Variants in SGMS1 observed in about 807,000 individuals in gnomAD.
SGMS1 encodes the protein phosphatidylcholine:ceramide cholinephosphotransferase 1.
A neutral mutation model predicts 46.2 loss-of-function variants in SGMS1; 13 were observed. The observed-to-expected ratio is 0.28, with a 90% CI of 0.18 to 0.45. The LOEUF (loss-of-function observed/expected upper bound fraction) is 0.45. Ranked by LOEUF, SGMS1 falls within the 20% of genes least tolerant of loss-of-function variation. The pLI, the probability that SGMS1 is intolerant of heterozygous loss-of-function variation, is 1.00. For synonymous variants in SGMS1, 203 were observed against 187.8 expected (o/e 1.08, Z -0.66); for missense variants, 324 against 519.9 (o/e 0.62, Z 3.66).
intron 6 of SGMS1, among the ~76,000 whole-genome samples, chr10:50,387,209 A>T (rs1421330107): frequency 6.6e-6 from 1 of 152,186 alleles, no homozygotes; most frequent in African/African-American, 2.4e-5. Context: ...TGCTGCCTAA[A>T]GGGGGAAATC....
At chr10:50,428,347 C>T (rs925675826) in intron 6 of SGMS1, among the ~76,000 whole-genome samples, 1 of 152,194 alleles carries the variant, frequency 6.6e-6, no homozygotes. Context: ...ATTATTGTCA[C>T]TGACATTTCA....
intron 9 of SGMS1, among the ~76,000 whole-genome samples, chr10:50,310,609 A>G (rs1035381420): frequency 2.0e-5 from 3 of 151,564 alleles, no homozygotes; most frequent in Non-Finnish European, 4.4e-5. Flanking sequence ...AAAGGTTTTA[A>G]TCATATATTA....
chr10:50,393,231 A>G (rs1848801166), intron 6 of SGMS1, among the ~76,000 whole-genome samples: 1 of 152,178 alleles, frequency 6.6e-6, no homozygotes, highest in South Asian at 2.1e-4. Context: ...AGGGCACCCA[A>G]ATATTACCCA....
intron 3 of SGMS1, among the ~76,000 whole-genome samples, chr10:50,485,746 A>G (rs1206079851): frequency 1.3e-5 from 2 of 152,120 alleles, no homozygotes; most frequent in Non-Finnish European, 2.9e-5. Flanking sequence ...CTAAAAATAC[A>G]AAAATTAGCC....
intron 3 of SGMS1, among the ~76,000 whole-genome samples, chr10:50,495,052 T>TA (rs141127221): frequency 3.3e-4 from 20 of 61,420 alleles, no homozygotes; most frequent in African/African-American, 1.0e-3. Flanking sequence ...AAAAATAAAA[T>TA]AAAAAAAAAT....
chr10:50,406,067 A>G (rs912129583), intron 6 of SGMS1, among the ~76,000 whole-genome samples: 1 of 152,152 alleles, frequency 6.6e-6, no homozygotes, highest in African/African-American at 2.4e-5. Flanking sequence ...ACCTTGTTGA[A>G]AAAAATAATA....
At chr10:50,624,649 G>C (rs1202068514), upstream of SGMS1, 14 of 985,342 alleles carry the variant, frequency 1.4e-5, no homozygotes, top group Non-Finnish European at 1.7e-5. Context: ...CCCGGAGAGC[G>C]GCTAGGCCGG....
At chr10:50,456,669 G>A (rs1837194920) in intron 5 of SGMS1, among the ~76,000 whole-genome samples, 1 of 152,106 alleles carries the variant, frequency 6.6e-6, no homozygotes, top group Non-Finnish European at 1.5e-5. Flanking sequence ...GTTTCCTCAG[G>A]TAGTAGCTGC....
chr10:50,572,366 T>C (rs1838343746), intron 2 of SGMS1, among the ~76,000 whole-genome samples: 1 of 152,184 alleles, frequency 6.6e-6, no homozygotes, highest in African/African-American at 2.4e-5. Context: ...CTGCTGCTTG[T>C]TCTCTAACAT....
At chr10:50,531,665 T>C (rs1388893573) in intron 2 of SGMS1, among the ~76,000 whole-genome samples, 2 of 152,116 alleles carry the variant, frequency 1.3e-5, no homozygotes, top group African/African-American at 2.4e-5. Context: ...GATCCACTTA[T>C]CCTACCCAAC....
chr10:50,567,213 G>A (rs563630439), intron 2 of SGMS1, among the ~76,000 whole-genome samples: 96 of 152,282 alleles, frequency 6.3e-4, no homozygotes, highest in African/African-American at 2.1e-3. Flanking sequence ...CCAAAGTGCT[G>A]GGATTACAGA....
intron 6 of SGMS1, among the ~76,000 whole-genome samples, chr10:50,356,687 A>G (rs1848154420): frequency 6.6e-6 from 1 of 152,114 alleles, no homozygotes; most frequent in African/African-American, 2.4e-5. Context: ...TTAAAACAAT[A>G]AATCTAATGC....
chr10:50,602,009 A>C (rs1838654105), intron 1 of SGMS1, among the ~76,000 whole-genome samples: 1 of 152,236 alleles, frequency 6.6e-6, no homozygotes, highest in South Asian at 2.1e-4. Context: ...GAGTCATATT[A>C]GTGCTCAAAA....
At chr10:50,496,437 T>C (rs1837615885) in intron 3 of SGMS1, among the ~76,000 whole-genome samples, 1 of 152,168 alleles carries the variant, frequency 6.6e-6, no homozygotes, top group Admixed American at 6.5e-5. Context: ...AGAATCACAC[T>C]GTGTACTCTA....
intron 1 of SGMS1, among the ~76,000 whole-genome samples, chr10:50,609,646 A>G (rs1016956265): frequency 6.6e-6 from 1 of 151,330 alleles, no homozygotes; most frequent in Non-Finnish European, 1.5e-5. Context: ...GTGGATATAC[A>G]TAATTTGTTT....
At chr10:50,469,065 T>C (rs575861697) in intron 3 of SGMS1, among the ~76,000 whole-genome samples, 1 of 152,314 alleles carries the variant, frequency 6.6e-6, no homozygotes, top group African/African-American at 2.4e-5. Context: ...TTGTAACTTG[T>C]CCAAGGTTGC....
intron 6 of SGMS1, among the ~76,000 whole-genome samples, chr10:50,410,496 G>C (rs1564905679): frequency 6.6e-6 from 1 of 152,160 alleles, no homozygotes. Flanking sequence ...CCATCAGGTG[G>C]GTTGTTTGCT....
chr10:50,576,944 T>A (rs1280028982), intron 2 of SGMS1, among the ~76,000 whole-genome samples: 2 of 152,234 alleles, frequency 1.3e-5, no homozygotes, highest in Non-Finnish European at 2.9e-5. Flanking sequence ...CCTTGGCTCT[T>A]TTATCCTGTC....
chr10:50,623,546 C>G lies in SGMS1; in HGVS notation c.-684+161G>C, dbSNP rs1047727296. On this transcript the variant is annotated intron_variant, in intron 1 of 10. Transcript: ENST00000361781. ...GGAGCAGCAGCTCTGGAGGACTGCC[C>G]GCCAGGTACGCGCGCGGCACCGCGC... 7.1e-6 allele frequency: 7 copies of G among 981,092 alleles called. No homozygotes were observed. In the East Asian group the frequency reaches 6.9e-4, roughly 96 times the overall value. The allele number at this position is 981,092 out of a possible 1,614,324, so 60.8% of individuals were successfully genotyped here.
Sources: allele counts gnomAD v4.1 joint callset (sites outside exome capture counted in the v4.1 genomes callset), GRCh38; gene constraint gnomAD v4.1.1; transcripts MANE v1.5; gene names NCBI Gene and HGNC (gene_info 2026-07-23, HGNC 2026-07-21).